The following CLIC4 variants were observed in gnomAD, a reference collection of about 807,000 sequenced individuals.
The protein encoded by CLIC4 is CLIC family member 4, also known as chloride intracellular channel protein 4.
Under a neutral mutation model 24.6 loss-of-function variants are expected in CLIC4, and 13 were observed. The observed-to-expected ratio is 0.53, with a 90% CI of 0.34 to 0.84. The LOEUF is 0.84. Among genes scored for constraint, CLIC4 ranks in the 40% least tolerant of loss-of-function variants. CLIC4 has a pLI of 0.01. For missense variants in CLIC4, 227 were observed against 301.7 expected (o/e 0.75, Z 1.83); for synonymous variants, 104 against 111.3 (o/e 0.93, Z 0.41).
rs1391227192 is a variant in CLIC4, at chr1:24,842,405, T to A, written c.*1468T>A. 7 of 152,230 alleles carry A rather than the reference T, an allele frequency of 4.6e-5. No individual in the cohort carries two copies. Among genetic ancestry groups the A allele is most frequent in the Admixed American group, 1.3e-4 (2 of 15,284 alleles). The allele number at this position is 152,230 out of a possible 1,614,324, so 9.4% of individuals were successfully genotyped here. On this transcript the variant is annotated 3_prime_UTR_variant, in exon 6 of 6. Transcript: ENST00000374379. ...TATAATACATTTTTGGTAATTTTTTTATACCTAATTTGTATAGGAAGTGCT... is the reference window on the plus strand; with the variant it reads ...TATAATACATTTTTGGTAATTTTTTAATACCTAATTTGTATAGGAAGTGCT...
chr1:24,760,236 G>A (rs573982330), intron 1 of CLIC4, among the ~76,000 whole-genome samples: 49 of 151,806 alleles, frequency 3.2e-4, no homozygotes, highest in African/African-American at 1.1e-3. Context: ...CGTGGTGGCG[G>A]GTGCCTGTAA....
chr1:24,837,185 A>G (rs1331099590), intron 4 of CLIC4, among the ~76,000 whole-genome samples: 5 of 152,198 alleles, frequency 3.3e-5, no homozygotes. Flanking sequence ...TTGAAAAGAA[A>G]AATCAAGAAA....
chr1:24,829,249 C>T (rs908243101), intron 4 of CLIC4, among the ~76,000 whole-genome samples: 5 of 152,092 alleles, frequency 3.3e-5, no homozygotes, highest in African/African-American at 1.2e-4. Context: ...CCTTTTAGGA[C>T]TTAATTCTAA....
At chr1:24,786,727 C>T (rs1639271603) in intron 1 of CLIC4, among the ~76,000 whole-genome samples, 1 of 152,016 alleles carries the variant, frequency 6.6e-6, no homozygotes, top group Non-Finnish European at 1.5e-5. Flanking sequence ...ACGCCATTCT[C>T]CTGCCTCAGC....
At chr1:24,764,659 A>G (rs1035092415) in intron 1 of CLIC4, among the ~76,000 whole-genome samples, 37 of 137,654 alleles carry the variant, frequency 2.7e-4, no homozygotes, top group Admixed American at 1.1e-3. Flanking sequence ...ATCTCAAGGG[A>G]AAAAAAAAAA....
At chr1:24,753,576 A>G (rs1021838455) in intron 1 of CLIC4, among the ~76,000 whole-genome samples, 3 of 152,218 alleles carry the variant, frequency 2.0e-5, no homozygotes. Flanking sequence ...CTTATGCAGG[A>G]AACAATTGGT....
intron 1 of CLIC4, among the ~76,000 whole-genome samples, chr1:24,770,475 T>C (rs926510427): frequency 1.3e-5 from 2 of 152,166 alleles, no homozygotes; most frequent in African/African-American, 4.8e-5. Flanking sequence ...GCCAGTGCTT[T>C]TGGATCTGTT....
At chr1:24,764,842 TTTG>T (rs554416253) in intron 1 of CLIC4, among the ~76,000 whole-genome samples, 22 of 151,894 alleles carry the variant, frequency 1.4e-4, no homozygotes, top group Admixed American at 6.6e-4. Context: ...TCACTGCAGG[TTTG>T]TTGTTGTTGT....
At chr1:24,777,065 G>A (rs978347401) in intron 1 of CLIC4, among the ~76,000 whole-genome samples, 2 of 152,088 alleles carry the variant, frequency 1.3e-5, no homozygotes, top group African/African-American at 2.4e-5. Flanking sequence ...TGTGCTTTTC[G>A]AACCTAAATC....
At chr1:24,748,762 G>A (rs1225829561) in intron 1 of CLIC4, among the ~76,000 whole-genome samples, 1 of 151,950 alleles carries the variant, frequency 6.6e-6, no homozygotes, top group Non-Finnish European at 1.5e-5. Context: ...GCCTCCCAAA[G>A]TGCTGGGATT....
At chr1:24,749,293 A>G (rs1353414601) in intron 1 of CLIC4, among the ~76,000 whole-genome samples, 1 of 152,140 alleles carries the variant, frequency 6.6e-6, no homozygotes, top group Non-Finnish European at 1.5e-5. Flanking sequence ...TATGTTGAAC[A>G]GTGTTAACCT....
At chr1:24,804,551 G>A (rs1323833090) in intron 2 of CLIC4, among the ~76,000 whole-genome samples, 1 of 133,844 alleles carries the variant, frequency 7.5e-6, no homozygotes, top group Non-Finnish European at 1.6e-5. Context: ...GTGGGTGGGT[G>A]GGGGGATGTG....
At chr1:24,839,782 C>G in intron 4 of CLIC4, 78 bp from the exon 5 acceptor site, 2 of 1,272,832 alleles carry the variant, frequency 1.6e-6, no homozygotes. Flanking sequence ...GTTATTGACT[C>G]AAAGAGTCTG....
chr1:24,760,723 A>G (rs899719822), intron 1 of CLIC4, among the ~76,000 whole-genome samples: 3 of 152,120 alleles, frequency 2.0e-5, no homozygotes, highest in Non-Finnish European at 2.9e-5. Context: ...ACACCTAGTG[A>G]ACAAAGTTCT....
chr1:24,839,104 A>G (rs536575062), intron 4 of CLIC4, among the ~76,000 whole-genome samples: 41 of 152,234 alleles, frequency 2.7e-4, no homozygotes, highest in Admixed American at 4.6e-4. Context: ...TTGAATTGGT[A>G]TTTCTTAACA....
At chr1:24,785,854 C>CAAAACAA (rs1639259799) in intron 1 of CLIC4, among the ~76,000 whole-genome samples, 1 of 58,852 alleles carries the variant, frequency 1.7e-5, no homozygotes, top group Admixed American at 2.4e-4. Context: ...GACTACAACT[C>CAAAACAA]AAAAAAAAAA....
At chr1:24,791,227 G>T (rs1571245096) in intron 1 of CLIC4, among the ~76,000 whole-genome samples, 1 of 152,144 alleles carries the variant, frequency 6.6e-6, no homozygotes, top group East Asian at 1.9e-4. Context: ...AATTTTTATG[G>T]TTACTAATAC....
In CLIC4 at chr1:24,835,777, T is replaced by A. The variant is rs1377081695; in HGVS notation, c.416-4083T>A. Among the ~76,000 whole-genome samples, 7 of 152,252 alleles carry A rather than the reference T, an allele frequency of 4.6e-5. No homozygotes were observed. In the East Asian group the frequency reaches 9.6e-4, roughly 21 times the overall value. On this transcript the variant is annotated intron_variant, in intron 4 of 5. Transcript: ENST00000374379. ...GAGGTGGAAATAGAGGAATAATTTT[T>A]AAAAATGTAATCCATAGGAAGGTAG...
intron 1 of CLIC4, among the ~76,000 whole-genome samples, chr1:24,790,710 G>A (rs1639324156): frequency 6.6e-6 from 1 of 152,154 alleles, no homozygotes; most frequent in Non-Finnish European, 1.5e-5. Context: ...CATCCCAGGG[G>A]CAGGGGCTTG....
Sources: gnomAD v4.1 joint callset for allele counts (sites outside exome capture counted in the v4.1 genomes callset) on GRCh38, gnomAD v4.1.1 for gene constraint, MANE v1.5 for transcripts, NCBI Gene and HGNC (gene_info 2026-07-23, HGNC 2026-07-21) for gene names.